FHIT: variants seen among roughly 807,000 people sequenced by gnomAD.
FHIT encodes the protein fragile histidine triad diadenosine triphosphatase.
A neutral mutation model predicts 17.9 loss-of-function variants in FHIT; 19 were observed. That is an observed-to-expected ratio of 1.06 (90% CI 0.74 to 1.56). FHIT has a LOEUF of 1.56. Ranked by LOEUF, FHIT falls within the 40% of genes most tolerant of loss-of-function variation. The probability of loss-of-function intolerance (pLI) is 0.00; values close to 1 mark genes in which losing one functional copy is unlikely to be tolerated. For synonymous variants in FHIT, 81 were observed against 69.7 expected (o/e 1.16, Z -0.81); for missense variants, 248 against 189.2 (o/e 1.31, Z -1.82).
intron 7 of FHIT, among the ~76,000 whole-genome samples, chr3:59,992,053 A>G (rs1034954711): frequency 2.0e-5 from 3 of 152,094 alleles, no homozygotes; most frequent in Non-Finnish European, 4.4e-5. Flanking sequence ...ATAAAAATGA[A>G]GTAAAACGAA....
intron 2 of FHIT, among the ~76,000 whole-genome samples, chr3:61,111,903 T>G (rs770691652): frequency 3.3e-5 from 5 of 152,218 alleles, no homozygotes; most frequent in Non-Finnish European, 7.3e-5. Flanking sequence ...GAGTCAAAAC[T>G]GAACTCACAA....
intron 5 of FHIT, among the ~76,000 whole-genome samples, chr3:60,371,101 G>C (rs777499505): frequency 1.1e-4 from 16 of 152,150 alleles, no homozygotes; most frequent in Non-Finnish European, 2.2e-4. Context: ...TGAGACAGAA[G>C]ACTCTGGTTT....
intron 5 of FHIT, among the ~76,000 whole-genome samples, chr3:60,200,916 C>A (rs903916559): frequency 6.6e-6 from 1 of 152,094 alleles, no homozygotes; most frequent in East Asian, 1.9e-4. Context: ...TCTGTCCATT[C>A]ATCCATTCAA....
intron 5 of FHIT, among the ~76,000 whole-genome samples, chr3:60,068,545 G>A (rs1207038728): frequency 6.6e-6 from 1 of 152,218 alleles, no homozygotes; most frequent in Non-Finnish European, 1.5e-5. Context: ...AAATGGCAGG[G>A]AAGTGGTAGA....
intron 5 of FHIT, among the ~76,000 whole-genome samples, chr3:60,141,552 TCA>T (rs1158176182): frequency 6.6e-6 from 1 of 152,122 alleles, no homozygotes; most frequent in Admixed American, 6.5e-5. Context: ...GTCATCAAAC[TCA>T]TATAGAATTC....
At chr3:59,973,981 A>C (rs1268316969) in intron 7 of FHIT, among the ~76,000 whole-genome samples, 1 of 113,952 alleles carries the variant, frequency 8.8e-6, no homozygotes, top group African/African-American at 2.7e-5. Flanking sequence ...GGGGATAAAG[A>C]AAAGAAAAAA....
intron 8 of FHIT, among the ~76,000 whole-genome samples, chr3:59,913,945 C>G (rs981902721): frequency 6.6e-6 from 1 of 152,158 alleles, no homozygotes; most frequent in Non-Finnish European, 1.5e-5. Context: ...TATTCTAAAT[C>G]TGGGGAAGGT....
intron 5 of FHIT, among the ~76,000 whole-genome samples, chr3:60,395,904 T>C (rs905000168): frequency 6.6e-6 from 1 of 152,178 alleles, no homozygotes; most frequent in African/African-American, 2.4e-5. Context: ...TGATTAGTGC[T>C]TAGATTCCAT....
Position 60,683,894 on chromosome 3 carries a change from CAA to C in FHIT, c.-18+138023_-18+138024del, listed in dbSNP as rs571329679. Among the ~76,000 whole-genome samples the C allele has an allele frequency of 5.3e-5, 8 of 152,204 alleles. No individual in the cohort carries two copies. In the South Asian group the frequency reaches 1.7e-3, roughly 32 times the overall value. ...TCAGGAATCAATTAGTAACATCAAA[CAA>C]GGGGTGTCTATATTTTTTTCTCAGC... On this transcript the variant is annotated intron_variant, in intron 4 of 9. Coordinates refer to ENST00000492590, the MANE Select transcript of FHIT (RefSeq NM_002012.4).
chr3:60,649,465 C>T (rs1577025668), intron 4 of FHIT, among the ~76,000 whole-genome samples: 1 of 152,268 alleles, frequency 6.6e-6, no homozygotes, highest in South Asian at 2.1e-4. Context: ...CAAAGTTGCA[C>T]ACAAACTAGA....
At chr3:59,934,888 G>C (rs74745679) in intron 7 of FHIT, among the ~76,000 whole-genome samples, 21,850 of 152,082 alleles carry the variant, frequency 0.14, 2,128 homozygotes, top group East Asian at 0.5. Context: ...GGGGATTATG[G>C]GAACTACAAT....
chr3:60,076,382 C>T (rs1288565709), intron 5 of FHIT, among the ~76,000 whole-genome samples: 1 of 152,046 alleles, frequency 6.6e-6, no homozygotes, highest in African/African-American at 2.4e-5. Flanking sequence ...GCCTATTTCT[C>T]TTTAAATAGC....
chr3:60,281,429 G>A (rs1310836574), intron 5 of FHIT, among the ~76,000 whole-genome samples: 2 of 152,138 alleles, frequency 1.3e-5, no homozygotes, highest in East Asian at 1.9e-4. Context: ...TCAACTTTAA[G>A]ACTTGCTACA....
intron 5 of FHIT, among the ~76,000 whole-genome samples, chr3:60,489,055 G>A (rs1028759875): frequency 6.6e-6 from 1 of 152,098 alleles, no homozygotes; most frequent in Non-Finnish European, 1.5e-5. Context: ...TTCCAAGAGA[G>A]ACCATGAGCA....
chr3:60,106,798 G>T (rs1002873519), intron 5 of FHIT, among the ~76,000 whole-genome samples: 10 of 152,106 alleles, frequency 6.6e-5, no homozygotes, highest in Non-Finnish European at 1.3e-4. Context: ...CCAGTATCTG[G>T]GCTCTGAAGA....
intron 7 of FHIT, among the ~76,000 whole-genome samples, chr3:60,008,118 A>G (rs1699995439): frequency 6.6e-6 from 1 of 152,166 alleles, no homozygotes; most frequent in Non-Finnish European, 1.5e-5. Context: ...ATAGCCAAAC[A>G]AACAAAAGAC....
intron 5 of FHIT, among the ~76,000 whole-genome samples, chr3:60,168,730 T>C (rs1365264214): frequency 2.0e-5 from 3 of 152,224 alleles, no homozygotes; most frequent in Non-Finnish European, 4.4e-5. Flanking sequence ...TGTCAGGCGA[T>C]GGTATATCTC....
At chr3:60,055,524 G>C (rs1186280183) in intron 5 of FHIT, among the ~76,000 whole-genome samples, 1 of 150,824 alleles carries the variant, frequency 6.6e-6, no homozygotes, top group Admixed American at 6.6e-5. Context: ...AGATGGTGCA[G>C]TTCAGAGCTT....
At chr3:60,163,430 C>T (rs190278448) in intron 5 of FHIT, among the ~76,000 whole-genome samples, 1 of 152,184 alleles carries the variant, frequency 6.6e-6, no homozygotes, top group African/African-American at 2.4e-5. Context: ...ACAACCACCA[C>T]CCCTCCACGT....
Sources: gnomAD v4.1 joint callset for allele counts (sites outside exome capture counted in the v4.1 genomes callset) on GRCh38, gnomAD v4.1.1 for gene constraint, MANE v1.5 for transcripts, NCBI Gene and HGNC (gene_info 2026-07-23, HGNC 2026-07-21) for gene names.